LRRC41: variants seen among roughly 807,000 people sequenced by gnomAD.
LRRC41 encodes leucine-rich repeat-containing protein 41.
LRRC41 carries 17 observed loss-of-function variants against 72.1 expected under a neutral mutation model. The ratio of observed to expected loss-of-function variants is 0.24; its 90% CI spans 0.16 to 0.35. The LOEUF (loss-of-function observed/expected upper bound fraction) is 0.35. Ranked by LOEUF, LRRC41 falls within the 10% of genes least tolerant of loss-of-function variation. LRRC41 has a pLI of 1.00. For missense variants in LRRC41, 759 were observed against 1,065.0 expected (o/e 0.71, Z 4.00); for synonymous variants, 427 against 431.0 (o/e 0.99, Z 0.11).
rs1337702457 is a variant in LRRC41, at chr1:46,303,332, G to A, written c.-10C>T. On this transcript the variant is annotated 5_prime_UTR_variant, in exon 1 of 10. Coordinates refer to ENST00000617190, the MANE Select transcript of LRRC41 (RefSeq NM_006369.5). Reference sequence around the variant, plus strand: ...CCTCGGGCGCCGCCATCTTGGGGAGGTGCGCGAGCCCGAGAGTGTCGCCCG... The same window carrying A: ...CCTCGGGCGCCGCCATCTTGGGGAGATGCGCGAGCCCGAGAGTGTCGCCCG... The A allele has an allele frequency of 6.6e-7, 1 of 1,508,738 alleles. No individual in the cohort carries two copies. The highest frequency in any genetic ancestry group is 8.8e-7 in the Non-Finnish European group (1 of 1,132,454). 93.5% of individuals were successfully genotyped at this position (1,508,738 alleles called of 1,614,324 possible). A position where few individuals can be genotyped will look rare whatever the true frequency, so the allele number is the denominator to read the frequency against.
Position 46,302,890 on chromosome 1 carries a change from C to T in LRRC41, c.199+234G>A. 1 of 985,406 alleles carries T rather than the reference C, an allele frequency of 1.0e-6. No individual in the cohort carries two copies. Among genetic ancestry groups the T allele is most frequent in the South Asian group, 4.7e-5 (1 of 21,286 alleles). 61.0% of individuals were successfully genotyped at this position (985,406 alleles called of 1,614,324 possible). A position where few individuals can be genotyped will look rare whatever the true frequency, so the allele number is the denominator to read the frequency against. On this transcript the variant is annotated intron_variant, in intron 1 of 9. Transcript: ENST00000617190. This position sits in a 1 kb window ranked among gnomAD's most constrained non-coding sequence, Gnocchi z 4.7. ...CTCCAGACCGGGCCTCCTGGCCTCG[C>T]CCCCCGCGCCCCCGAGCCAGGCCGC...
At position 46,277,690 on chromosome 1, in the gene LRRC41, C is replaced by T. The variant is rs1569625963; in HGVS notation, c.*1175G>A. 3 of 1,084,922 alleles carry T rather than the reference C, an allele frequency of 2.8e-6. No homozygotes were observed. The East Asian group carries it at 7.1e-5, about 26-fold the overall frequency. 67.2% of individuals were successfully genotyped at this position (1,084,922 alleles called of 1,614,324 possible). ...GCTGAGTAGAGATAATGTTCTGGGA[C>T]TCATACTTTTTATTCATCTCCTCTT... On this transcript the variant is annotated 3_prime_UTR_variant, in exon 10 of 10. Transcript: ENST00000617190.
chr1:46,289,312 TTCA>T (rs1170093295), intron 3 of LRRC41, among the ~76,000 whole-genome samples: 2 of 152,188 alleles, frequency 1.3e-5, no homozygotes, highest in African/African-American at 4.8e-5. Context: ...CTGCCTTAGT[TTCA>T]TCATCTATAA....
At chr1:46,294,741 C>T (rs533834077) in intron 3 of LRRC41, among the ~76,000 whole-genome samples, 16 of 151,766 alleles carry the variant, frequency 1.1e-4, no homozygotes, top group South Asian at 6.3e-4. Flanking sequence ...ACTAAAGGCA[C>T]GTGCCACCAC....
Position 46,302,961 on chromosome 1 carries a change from C to A in LRRC41, c.199+163G>T. Reference sequence around the variant, plus strand: ...TTTAGGTCTCCGTCTTTACTCTGTCCAGCCCTGTCAGTCACAAAATTCATT... The same window carrying A: ...TTTAGGTCTCCGTCTTTACTCTGTCAAGCCCTGTCAGTCACAAAATTCATT... On this transcript the variant is annotated intron_variant, in intron 1 of 9. Coordinates refer to ENST00000617190, the MANE Select transcript of LRRC41 (RefSeq NM_006369.5). This position sits in a 1 kb window ranked among gnomAD's most constrained non-coding sequence, Gnocchi z 4.7. 1.0e-6 allele frequency: 1 copy of A among 985,142 alleles called. No individual in the cohort carries two copies. Among genetic ancestry groups the A allele is most frequent in the Middle Eastern group, 5.2e-4 (1 of 1,908 alleles). 61.0% of individuals were successfully genotyped at this position (985,142 alleles called of 1,614,324 possible).
chr1:46,286,210 T>A lies in LRRC41; in HGVS notation c.647A>T (p.Gln216Leu). The change falls in exon 4 of 10, where the codon CAG becomes CTG. Residue 216 changes from glutamine (Q) to leucine (L), a missense_variant. Gln to Leu is a moderately radical substitution (Grantham distance 113). Coordinates refer to ENST00000617190, the MANE Select transcript of LRRC41 (RefSeq NM_006369.5). The surrounding 1 kb of genome is among the most constrained non-coding windows in gnomAD (Gnocchi z 5.5). ...ATGGTGAATGAGCTGATGCAACAGC[T>A]GCCGAAGTGACTGCTGAGCAGCCAC... is the stretch of plus-strand genomic sequence containing the variant. The part of the protein sequence containing the change: ...SDVAAQQSLR[Q>L]LLHQLIHHGA... The A allele has an allele frequency of 3.1e-6, 5 of 1,614,224 alleles. No individual in the cohort carries two copies. Among genetic ancestry groups the A allele is most frequent in the Non-Finnish European group, 4.2e-6 (5 of 1,180,040 alleles).
rs375762514 is a variant in LRRC41, at chr1:46,278,967, G to T, written c.2337C>A (p.Val779=). 6.2e-7 allele frequency: 1 copy of T among 1,614,050 alleles called. No individual in the cohort carries two copies. Among genetic ancestry groups the T allele is most frequent in the Non-Finnish European group, 8.5e-7 (1 of 1,180,030 alleles). Residue 779 remains valine, a synonymous_variant, in exon 10 of 10, where the codon GTC becomes GTA. Coordinates refer to ENST00000617190, the MANE Select transcript of LRRC41 (RefSeq NM_006369.5). ...GCCGCCGGATGGCTTCCCTGGCTGT[G>T]ACTGCATCCTGGTCCAGCCAGTTTT... ...LFQNWLDQDA[V]TAREAIRRLR...
At chr1:46,298,116 G>A (rs941120669) in intron 2 of LRRC41, among the ~76,000 whole-genome samples, 168 bp downstream of exon 2, 7 of 152,148 alleles carry the variant, frequency 4.6e-5, no homozygotes, top group Non-Finnish European at 7.3e-5. Flanking sequence ...TCATATACTT[G>A]GCTTTGTGTT....
chr1:46,281,193 C>G lies in LRRC41; in HGVS notation c.1688G>C (p.Arg563Pro). The G allele has an allele frequency of 1.2e-6, 2 of 1,614,164 alleles. No individual in the cohort carries two copies. The highest frequency in any genetic ancestry group is 8.5e-7 in the Non-Finnish European group (1 of 1,180,020). The change falls in exon 5 of 10, where the codon CGG (arginine) becomes CCG (proline). Residue 563 changes from arginine to proline, a missense_variant. Arg to Pro is a moderately radical substitution (Grantham distance 103). Coordinates refer to ENST00000617190, the MANE Select transcript of LRRC41 (RefSeq NM_006369.5). ...ATTCCCTGGCACACCAGGGTTGTCC[C>G]GCTGGCTTGGGTGGTCAACACGAAT... ...LSIRVDHPSQ[R>P]DNPGVPGNAG...
intron 3 of LRRC41, among the ~76,000 whole-genome samples, chr1:46,289,925 G>C (rs1055096836): frequency 6.6e-6 from 1 of 152,198 alleles, no homozygotes; most frequent in African/African-American, 2.4e-5. Flanking sequence ...GAGGTGAAGT[G>C]ATGTTTGCCC....
intron 3 of LRRC41, among the ~76,000 whole-genome samples, chr1:46,293,182 CAAA>C (rs546295457): frequency 4.0e-5 from 5 of 125,502 alleles, no homozygotes; most frequent in East Asian, 2.3e-4. Flanking sequence ...GATTTCGTCT[CAAA>C]AAAAAAAAAA....
At chr1:46,289,051 T>C (rs1192553113) in intron 3 of LRRC41, among the ~76,000 whole-genome samples, 4 of 152,222 alleles carry the variant, frequency 2.6e-5, no homozygotes, top group African/African-American at 7.2e-5. Context: ...AGTCAAGATA[T>C]TGTGGCTGTT....
chr1:46,281,094 C>T (rs1429691605), intron 5 of LRRC41, 31 bp downstream of exon 5: 3 of 1,609,918 alleles, frequency 1.9e-6, no homozygotes, highest in Admixed American at 1.7e-5. Flanking sequence ...CACGTGCGTG[C>T]ACACACACAA....
chr1:46,278,079 T>G lies in LRRC41; in HGVS notation c.*786A>C. 2 of 1,614,172 alleles carry G rather than the reference T, an allele frequency of 1.2e-6. No homozygotes were observed. The highest frequency in any genetic ancestry group is 2.2e-5 in the South Asian group (2 of 91,062). The stretch of plus-strand genomic sequence containing the variant: ...TGTGCCTTCTGTCCCTAGGTTGCAC[T>G]GCCGACGTTGTGTCAACAGCCGTCA... On this transcript the variant is annotated 3_prime_UTR_variant, in exon 10 of 10. Coordinates refer to ENST00000617190, the MANE Select transcript of LRRC41 (RefSeq NM_006369.5).
Position 46,279,144 on chromosome 1 carries a change from GT to G in LRRC41, c.2219+37del, listed in dbSNP as rs1246295687. ...CAGTGAATTCCTGGTCTATATCTCTGTAGCCCCATCCCTTGTCTTGCCCCTC... is the reference window on the plus strand; with the variant it reads ...CAGTGAATTCCTGGTCTATATCTCTGAGCCCCATCCCTTGTCTTGCCCCTC... On this transcript the variant is annotated intron_variant, in intron 9 of 9. Transcript: ENST00000617190. This position sits in a 1 kb window ranked among gnomAD's most constrained non-coding sequence, Gnocchi z 4.5. 6.2e-7 allele frequency: 1 copy of G among 1,612,214 alleles called. No homozygotes were observed. Among genetic ancestry groups the G allele is most frequent in the East Asian group, 2.2e-5 (1 of 44,876 alleles).
Position 46,281,291 on chromosome 1 carries a change from C to T in LRRC41, c.1590G>A (p.Leu530=). ...GCTCCAGGATGGGCAGTGGTGAGAA[C>T]AGGTCACTGAGATGCAGGGCACGGA... The part of the protein sequence containing the change: ...CRLRALHLSD[L]FSPLPILELT... Residue 530 remains leucine, a synonymous_variant, in exon 5 of 10, where the codon CTG becomes CTA. Coordinates refer to ENST00000617190, the MANE Select transcript of LRRC41 (RefSeq NM_006369.5). 6.2e-7 allele frequency: 1 copy of T among 1,614,198 alleles called. No individual in the cohort carries two copies. Among genetic ancestry groups the T allele is most frequent in the Non-Finnish European group, 8.5e-7 (1 of 1,180,026 alleles).
At position 46,297,372 on chromosome 1, in the gene LRRC41, T is replaced by C. The variant is rs72883416; in HGVS notation, c.357+191A>G. 4.9e-3 allele frequency: 2,517 copies of C among 515,948 alleles called. 35 individuals carry two copies. The highest frequency in any genetic ancestry group is 0.024 in the African/African-American group (1,257 of 51,958). The allele number at this position is 515,948 out of a possible 1,614,324, so 32.0% of individuals were successfully genotyped here. A position where few individuals can be genotyped will look rare whatever the true frequency, so the allele number is the denominator to read the frequency against. ...TTCCCTGTTTTGTGTCCCCTGCAAA[T>C]ACAGTGAGCAAGCAATTCAGTGACA... On this transcript the variant is annotated intron_variant, in intron 3 of 9. Coordinates refer to ENST00000617190, the MANE Select transcript of LRRC41 (RefSeq NM_006369.5).
chr1:46,277,761 T>C lies in LRRC41; in HGVS notation c.*1104A>G. ...ACCCTTTGGTTTTCCTGCTCCCTTTTTATGAGGATGGCTAAGCGCTGTATC... is the reference window on the plus strand; with the variant it reads ...ACCCTTTGGTTTTCCTGCTCCCTTTCTATGAGGATGGCTAAGCGCTGTATC... On this transcript the variant is annotated 3_prime_UTR_variant, in exon 10 of 10. Coordinates refer to ENST00000617190, the MANE Select transcript of LRRC41 (RefSeq NM_006369.5). The C allele has an allele frequency of 6.5e-7, 1 of 1,539,700 alleles. No individual in the cohort carries two copies. The highest frequency in any genetic ancestry group is 9.0e-7 in the Non-Finnish European group (1 of 1,115,926).
In LRRC41 at chr1:46,285,529, G is replaced by C; in HGVS notation, c.1328C>G (p.Ser443Ter). The C allele has an allele frequency of 6.2e-7, 1 of 1,613,998 alleles. No individual in the cohort carries two copies. The highest frequency in any genetic ancestry group is 8.5e-7 in the Non-Finnish European group (1 of 1,179,990). Reference sequence around the variant, plus strand: ...TGGAAGCCCCAGGCAGCTGGGATCTGATCCATCCAAAGCTCCACAAGCCAC... The same window carrying C: ...TGGAAGCCCCAGGCAGCTGGGATCTCATCCATCCAAAGCTCCACAAGCCAC... ...GEVACGALDGSDPSCLGLPAL... is the reference protein window; with the variant it reads ...GEVACGALDG Residue 443 changes from serine (S) to a stop codon, truncating the protein, a stop_gained, in exon 4 of 10, where the codon TCA (serine) becomes TGA (stop). Transcript: ENST00000617190. LOFTEE classifies it high-confidence loss of function. This position sits in a 1 kb window ranked among gnomAD's most constrained non-coding sequence, Gnocchi z 5.3.
Sources: gnomAD v4.1 joint callset for allele counts (sites outside exome capture counted in the v4.1 genomes callset) on GRCh38, gnomAD v4.1.1 for gene constraint, Gnocchi (gnomAD v3.1) non-coding constraint, MANE v1.5 for transcripts, NCBI Gene and HGNC (gene_info 2026-07-23, HGNC 2026-07-21) for gene names.